Variants in ADGRV1 observed in about 807,000 individuals in gnomAD.
ADGRV1 encodes the protein G-protein coupled receptor 98.
ADGRV1 carries 359 observed loss-of-function variants against 596.2 expected under a neutral mutation model. The ratio of observed to expected loss-of-function variants is 0.60; its 90% CI spans 0.55 to 0.66. The LOEUF (loss-of-function observed/expected upper bound fraction) is 0.66. Ranked by LOEUF, ADGRV1 falls within the 30% of genes least tolerant of loss-of-function variation. ADGRV1 has a pLI of 0.00. For synonymous variants in ADGRV1, 2,681 were observed against 2,679.2 expected, an observed-to-expected ratio of 1.00 and a Z score of -0.02; for missense variants, 7,274 against 7,575.6, an observed-to-expected ratio of 0.96 and a Z score of 1.48.
At chr5:90,695,978 T>C (rs1747146343) in intron 33 of ADGRV1, among the ~76,000 whole-genome samples, 1 of 152,184 alleles carries the variant, frequency 6.6e-6, no homozygotes, top group South Asian at 2.1e-4. Flanking sequence ...TTACCATGAA[T>C]TATAACCTTA....
chr5:91,102,594 A>G (rs1287163033), intron 87 of ADGRV1, among the ~76,000 whole-genome samples: 1 of 152,258 alleles, frequency 6.6e-6, no homozygotes, highest in Non-Finnish European at 1.5e-5. Flanking sequence ...ACATCGAAGT[A>G]ACTACACAAA....
At chr5:90,909,631 A>G (rs1561926210) in intron 83 of ADGRV1, among the ~76,000 whole-genome samples, 1 of 114,202 alleles carries the variant, frequency 8.8e-6, no homozygotes, top group African/African-American at 2.9e-5. Context: ...AAAGAAAAAA[A>G]AGAGAGAGAG....
In ADGRV1 at chr5:90,810,548, A is replaced by G. The variant is rs769841743; in HGVS notation, c.15288A>G (p.Ser5096=). The G allele has an allele frequency of 3.7e-6, 6 of 1,613,600 alleles. No individual in the cohort carries two copies. In the South Asian group the frequency reaches 6.6e-5, roughly 18 times the overall value. ...IEEFFYINLT[S]VEIRGLQKFD... ...AATTTTTTTACATTAACCTTACTTC[A>G]GTAGAAATTAGGGGATTACAAAAGT... Residue 5096 remains serine (S), a synonymous_variant, in exon 74 of 90, where the codon TCA becomes TCG. Transcript: ENST00000405460.
intron 83 of ADGRV1, among the ~76,000 whole-genome samples, chr5:90,907,643 T>C (rs1199450541): frequency 6.6e-6 from 1 of 152,136 alleles, no homozygotes; most frequent in African/African-American, 2.4e-5. Context: ...TTGCTATTCA[T>C]CCTTCATACC....
In ADGRV1 at chr5:90,685,831, T is replaced by C. The variant is rs369891542; in HGVS notation, c.6326T>C (p.Ile2109Thr). 84 of 1,612,066 alleles carry C rather than the reference T, an allele frequency of 5.2e-5. No individual in the cohort carries two copies. In the African/African-American group the frequency reaches 1.1e-3, roughly 21 times the overall value. Residue 2109 changes from isoleucine to threonine, a missense_variant, in exon 29 of 90, where the codon ATT becomes ACT. Transcript: ENST00000405460. ...AAGGTAGAAACTATTGCGCAACTAA[T>C]TATCATTGCCAATGATGATGCATTT... ...GPKVETIAQL[I>T]IIANDDAFGT...
At chr5:90,805,603 C>G (rs1561770852) in intron 72 of ADGRV1, 145 bp downstream of exon 72, 2 of 629,096 alleles carry the variant, frequency 3.2e-6, no homozygotes, top group Non-Finnish European at 4.9e-6. Context: ...CAGAGTAGTG[C>G]AGGCTGCTTG....
chr5:90,972,061 G>T (rs1392285638), intron 84 of ADGRV1, among the ~76,000 whole-genome samples: 1 of 152,166 alleles, frequency 6.6e-6, no homozygotes, highest in Non-Finnish European at 1.5e-5. Flanking sequence ...CCTAGTCTCT[G>T]ATAAAACAGA....
rs568748562 is a variant in ADGRV1, at chr5:90,816,422, T to C, written c.16196+686T>C. On this transcript the variant is annotated intron_variant, in intron 75 of 89. Transcript: ENST00000405460. ...ATTTAAGATTTTTTAAATTTTATTA[T>C]TATTATACTTTAAGTTTTAGGGTAC... Among the ~76,000 whole-genome samples, 6 of 151,614 alleles carry C rather than the reference T, an allele frequency of 4.0e-5. No individual in the cohort carries two copies. The South Asian group carries it at 1.2e-3, about 31-fold the overall frequency.
chr5:91,074,459 G>A (rs1410746120), intron 86 of ADGRV1, among the ~76,000 whole-genome samples: 2 of 152,134 alleles, frequency 1.3e-5, no homozygotes, highest in East Asian at 3.8e-4. Context: ...AGTTCACTTA[G>A]GATAACAGCC....
chr5:90,644,597 T>C, intron 14 of ADGRV1, 109 bp from the exon 15 acceptor site: 1 of 819,528 alleles, frequency 1.2e-6, no homozygotes, highest in Non-Finnish European at 2.0e-6. Flanking sequence ...TTGGCAGTTA[T>C]TAAAAAGAGG....
chr5:91,107,256 G>A (rs916838819), intron 87 of ADGRV1, among the ~76,000 whole-genome samples: 6 of 152,056 alleles, frequency 3.9e-5, no homozygotes, highest in Non-Finnish European at 8.8e-5. Context: ...GAGGTTGGTT[G>A]GTTCAAAGGA....
At position 90,745,752 on chromosome 5, in the gene ADGRV1, T is replaced by C. The variant is rs2149917565; in HGVS notation, c.10931T>C (p.Ile3644Thr). 1.2e-6 allele frequency: 2 copies of C among 1,611,974 alleles called. No individual in the cohort carries two copies. The highest frequency in any genetic ancestry group is 1.7e-6 in the Non-Finnish European group (2 of 1,178,740). Reference sequence around the variant, plus strand: ...ATTAATGATTCTGTAACAATAACCATTCTGTCTAATGATGATGCCTATGGA... The same window carrying C: ...ATTAATGATTCTGTAACAATAACCACTCTGTCTAATGATGATGCCTATGGA... ...IGINDSVTITILSNDDAYGIV... is the reference protein window; with the variant it reads ...IGINDSVTITTLSNDDAYGIV... Residue 3644 changes from isoleucine to threonine, a missense_variant, in exon 52 of 90, where the codon ATT becomes ACT. Coordinates refer to ENST00000405460, the MANE Select transcript of ADGRV1 (RefSeq NM_032119.4).
chr5:90,847,829 T>TCC (rs1185870733), intron 78 of ADGRV1, among the ~76,000 whole-genome samples: 1 of 151,816 alleles, frequency 6.6e-6, no homozygotes, highest in Non-Finnish European at 1.5e-5. Flanking sequence ...CCGCCCTGGT[T>TCC]CCCGCCTCTC....
At position 90,823,182 on chromosome 5, in the gene ADGRV1, T is replaced by G. The variant is rs536403334; in HGVS notation, c.16197-243T>G. On this transcript the variant is annotated intron_variant, in intron 75 of 89. Coordinates refer to ENST00000405460, the MANE Select transcript of ADGRV1 (RefSeq NM_032119.4). ...TTATACAGAGTATTAGGATACTTAT[T>G]CATTGTTGAATGGAGTGTATTCAAA... 3.9e-5 allele frequency among the ~76,000 whole-genome samples: 6 copies of G among 152,330 alleles called. No individual in the cohort carries two copies. In the South Asian group the frequency reaches 1.2e-3, roughly 32 times the overall value.
chr5:90,957,666 A>G (rs994247864), intron 83 of ADGRV1, among the ~76,000 whole-genome samples: 1 of 148,666 alleles, frequency 6.7e-6, no homozygotes. Flanking sequence ...ATGTGTATAT[A>G]TATTACTATA....
intron 66 of ADGRV1, 143 bp downstream of exon 66, chr5:90,783,468 G>C (rs1475864026): frequency 1.5e-6 from 1 of 658,818 alleles, no homozygotes; most frequent in Non-Finnish European, 2.6e-6. Context: ...TGGGGTACTA[G>C]GGGTAGGGAA....
chr5:90,596,208 C>G (rs1012448443), intron 1 of ADGRV1, among the ~76,000 whole-genome samples: 1 of 149,138 alleles, frequency 6.7e-6, no homozygotes, highest in African/African-American at 2.5e-5. Context: ...CGGGCAGAGA[C>G]GCTCCTCACT....
rs79357100 is a variant in ADGRV1, at chr5:90,597,780, G to A, written c.23-17055G>A. 1.1e-3 allele frequency among the ~76,000 whole-genome samples: 168 copies of A among 152,152 alleles called. 1 individual carries two copies. In the East Asian group the frequency reaches 0.03, roughly 27 times the overall value. ...AAGAGAAGAGGAAGATAAATTAAGA[G>A]GTAAAATCTTAAACATGAAAGAATG... On this transcript the variant is annotated intron_variant, in intron 1 of 89. Transcript: ENST00000405460.
intron 20 of ADGRV1, chr5:90,655,893 C>A (rs1465567835): frequency 6.6e-6 from 1 of 152,152 alleles, no homozygotes; most frequent in African/African-American, 2.4e-5. Flanking sequence ...GAGATAGCCA[C>A]TATAAACATT....
Sources: gnomAD v4.1 joint callset for allele counts (sites outside exome capture counted in the v4.1 genomes callset) on GRCh38, gnomAD v4.1.1 for gene constraint, MANE v1.5 for transcripts, NCBI Gene and HGNC (gene_info 2026-07-23, HGNC 2026-07-21) for gene names.